ZFAT: variants seen among roughly 807,000 people sequenced by gnomAD.
ZFAT encodes the protein zinc finger and AT-hook domain containing, also known as zinc finger protein ZFAT.
Under a neutral mutation model 117.7 loss-of-function variants are expected in ZFAT, and 64 were observed. The ratio of observed to expected loss-of-function variants is 0.54; its 90% CI spans 0.44 to 0.67. The LOEUF (loss-of-function observed/expected upper bound fraction) is 0.67, where lower values mean the gene tolerates loss of function less well. ZFAT is among the 30% of genes least tolerant of loss of function. ZFAT has a pLI of 0.00. For synonymous variants in ZFAT, 679 were observed against 615.0 expected, an observed-to-expected ratio of 1.10 and a Z score of -1.54; for missense variants, 1,433 against 1,584.5, an observed-to-expected ratio of 0.90 and a Z score of 1.62.
chr8:134,705,327 A>C (rs2081991289), intron 1 of ZFAT, among the ~76,000 whole-genome samples: 1 of 150,114 alleles, frequency 6.7e-6, no homozygotes, highest in African/African-American at 2.5e-5. Flanking sequence ...CAGCCTCCTG[A>C]TTAGCTGGGA....
chr8:134,618,367 C>T (rs1306636533), intron 3 of ZFAT, among the ~76,000 whole-genome samples: 2 of 152,168 alleles, frequency 1.3e-5, no homozygotes, highest in African/African-American at 4.8e-5. Context: ...CTACCCCAGG[C>T]TGTCCTGGTA....
chr8:134,708,130 A>G (rs960651148), intron 1 of ZFAT, among the ~76,000 whole-genome samples: 2 of 152,374 alleles, frequency 1.3e-5, no homozygotes, highest in Non-Finnish European at 1.5e-5. Flanking sequence ...TGTGAACTCT[A>G]AAACAATGGA....
chr8:134,786,708 T>C, the ZFAT span, among the ~76,000 whole-genome samples: 1 of 152,170 alleles, frequency 6.6e-6, no homozygotes, highest in East Asian at 1.9e-4. Context: ...TATTTACTAA[T>C]ACATATTTGG....
chr8:134,522,301 C>T (rs1820722910), intron 12 of ZFAT, among the ~76,000 whole-genome samples: 1 of 152,226 alleles, frequency 6.6e-6, no homozygotes, highest in Admixed American at 6.5e-5. Flanking sequence ...TGGCCCTCTC[C>T]ACTTAAATAC....
In ZFAT at chr8:134,556,285, G is replaced by C. The variant is rs139986299; in HGVS notation, c.2976+9048C>G. Among the ~76,000 whole-genome samples, 14 of 151,932 alleles carry C rather than the reference G, an allele frequency of 9.2e-5. No homozygotes were observed. The East Asian group carries it at 2.7e-3, about 29-fold the overall frequency. ...AACATAAAAAGAAGAATTAAAGGGA[G>C]AGAGAGAGAGATCACCAGAATGTGA... On this transcript the variant is annotated intron_variant, in intron 11 of 15. Transcript: ENST00000377838.
At chr8:134,608,688 T>G in intron 5 of ZFAT, 41 bp downstream of exon 5, 1 of 1,596,756 alleles carries the variant, frequency 6.3e-7, no homozygotes, top group Middle Eastern at 1.7e-4. Context: ...TTCACTCACA[T>G]GCAACCTCTG....
At chr8:134,549,164 G>A (rs1311358915) in intron 11 of ZFAT, among the ~76,000 whole-genome samples, 2 of 152,152 alleles carry the variant, frequency 1.3e-5, no homozygotes, top group Non-Finnish European at 2.9e-5. Context: ...AGTTCAGACC[G>A]GGTGCAGTGG....
At chr8:134,772,729 G>A in the ZFAT span, among the ~76,000 whole-genome samples, 1 of 152,158 alleles carries the variant, frequency 6.6e-6, no homozygotes, top group African/African-American at 2.4e-5. Flanking sequence ...ATGCTATCTG[G>A]AACTTTAATA....
intron 15 of ZFAT, 127 bp downstream of exon 15, chr8:134,509,492 T>G: frequency 6.7e-6 from 9 of 1,340,190 alleles, no homozygotes; most frequent in Non-Finnish European, 9.1e-6. Context: ...AGAAAAGGTA[T>G]GAGACTAGAC....
chr8:134,704,669 G>A (rs1248272612), intron 1 of ZFAT, among the ~76,000 whole-genome samples: 1 of 152,108 alleles, frequency 6.6e-6, no homozygotes, highest in Non-Finnish European at 1.5e-5. Context: ...TAAACAAATA[G>A]AGCAATGGAA....
intron 15 of ZFAT, among the ~76,000 whole-genome samples, chr8:134,489,421 G>A (rs564628900): frequency 6.6e-5 from 10 of 152,180 alleles, no homozygotes; most frequent in African/African-American, 2.2e-4. Context: ...CTGCCACCCT[G>A]GCCAGTCCGA....
At position 134,637,515 on chromosome 8, in the gene ZFAT, G is replaced by A. The variant is rs747833185; in HGVS notation, c.394C>T (p.Arg132Trp). The A allele has an allele frequency of 1.1e-5, 18 of 1,613,866 alleles. No individual in the cohort carries two copies. Among genetic ancestry groups the A allele is most frequent in the Admixed American group, 1.7e-5 (1 of 60,006 alleles). ...AGCACGATAATGCAGATGTGCTTCC[G>A]CAGCTGGCGCGTGTTGGAGAACTTC... ...CRKFSNTRQL[R>W]KHICIIVLNL... Residue 132 changes from arginine to tryptophan, a missense_variant, in exon 3 of 16, where the codon CGG becomes TGG. This residue lies in a region of ZFAT where 436 missense variants were observed against 482.0 expected (regional missense o/e 0.90). Coordinates refer to ENST00000377838, the MANE Select transcript of ZFAT (RefSeq NM_020863.4).
intron 15 of ZFAT, among the ~76,000 whole-genome samples, chr8:134,505,913 C>T (rs983343180): frequency 6.6e-6 from 1 of 152,184 alleles, no homozygotes; most frequent in Non-Finnish European, 1.5e-5. Flanking sequence ...AGAGACTGAA[C>T]ACAGAGTGGT....
the ZFAT span, among the ~76,000 whole-genome samples, chr8:134,745,729 A>T: frequency 6.6e-6 from 1 of 152,214 alleles, no homozygotes; most frequent in Non-Finnish European, 1.5e-5. Context: ...GGTCTCACTG[A>T]AGGGATTTCC....
intron 1 of ZFAT, among the ~76,000 whole-genome samples, chr8:134,664,839 A>G (rs765263601): frequency 1.5e-4 from 23 of 152,278 alleles, no homozygotes; most frequent in Non-Finnish European, 2.5e-4. Context: ...TTTAGGTCCA[A>G]TTACTGTGCA....
chr8:134,594,095 T>C (rs1826736598), intron 7 of ZFAT, among the ~76,000 whole-genome samples: 1 of 152,256 alleles, frequency 6.6e-6, no homozygotes, highest in South Asian at 2.1e-4. Context: ...TGTTTTGCCA[T>C]GTGATGCCCT....
chr8:134,667,859 C>T (rs370047325), intron 1 of ZFAT, among the ~76,000 whole-genome samples: 1 of 152,134 alleles, frequency 6.6e-6, no homozygotes, highest in African/African-American at 2.4e-5. Context: ...CTTTCCTAGC[C>T]AAGGGAAGGG....
the ZFAT span, among the ~76,000 whole-genome samples, chr8:134,778,356 C>T: frequency 6.6e-6 from 1 of 152,174 alleles, no homozygotes; most frequent in African/African-American, 2.4e-5. Context: ...TATGTCAGGT[C>T]TACTCTTAGC....
chr8:134,541,057 GA>G, intron 11 of ZFAT, among the ~76,000 whole-genome samples: 1 of 152,294 alleles, frequency 6.6e-6, no homozygotes, highest in East Asian at 1.9e-4. Context: ...TGCTGGCCAG[GA>G]CAGCAGGCTC....
Sources: gnomAD v4.1 joint callset for allele counts (sites outside exome capture counted in the v4.1 genomes callset) on GRCh38, gnomAD v4.1.1 for gene constraint, gnomAD v4.1.1 regional missense constraint, MANE v1.5 for transcripts, NCBI Gene and HGNC (gene_info 2026-07-23, HGNC 2026-07-21) for gene names.